Variants in CACNG2 observed in about 807,000 individuals in gnomAD.
The protein encoded by CACNG2 is calcium voltage-gated channel auxiliary subunit gamma 2.
CACNG2 carries 3 observed loss-of-function variants against 25.9 expected under a neutral mutation model. That is an observed-to-expected ratio of 0.12 (90% confidence interval 0.05 to 0.30). CACNG2 has a LOEUF of 0.30. CACNG2 is among the 10% of genes least tolerant of loss of function. CACNG2 has a pLI of 1.00. For missense variants in CACNG2, 341 were observed against 432.5 expected, an observed-to-expected ratio of 0.79 and a Z score of 1.88; for synonymous variants, 167 against 173.3, an observed-to-expected ratio of 0.96 and a Z score of 0.29.
intron 1 of CACNG2, among the ~76,000 whole-genome samples, chr22:36,661,052 G>A (rs1208357895): frequency 6.6e-6 from 1 of 152,232 alleles, no homozygotes; most frequent in Non-Finnish European, 1.5e-5. Flanking sequence ...TGCTTTCTGA[G>A]TGCAGGCAGG....
chr22:36,585,739 A>T (rs1278981962), intron 2 of CACNG2, among the ~76,000 whole-genome samples: 3 of 152,230 alleles, frequency 2.0e-5, no homozygotes, highest in Admixed American at 1.3e-4. Flanking sequence ...GTCAACTCAA[A>T]TCAGACCTTC....
chr22:36,586,868 A>G (rs1935513034), intron 2 of CACNG2, among the ~76,000 whole-genome samples: 1 of 152,116 alleles, frequency 6.6e-6, no homozygotes, highest in African/African-American at 2.4e-5. Context: ...TCTCTTGATA[A>G]TATGTCTCAG....
At chr22:36,693,029 C>T (rs1227979241) in intron 1 of CACNG2, among the ~76,000 whole-genome samples, 1 of 152,064 alleles carries the variant, frequency 6.6e-6, no homozygotes, top group Non-Finnish European at 1.5e-5. Flanking sequence ...GCCTGTAATC[C>T]CAGCTACTCG....
intron 1 of CACNG2, among the ~76,000 whole-genome samples, chr22:36,590,692 C>A (rs905851751): frequency 6.6e-6 from 1 of 152,160 alleles, no homozygotes; most frequent in Non-Finnish European, 1.5e-5. Context: ...TGACAGTGAT[C>A]CTTTGTACAT....
intron 1 of CACNG2, among the ~76,000 whole-genome samples, chr22:36,676,147 C>A (rs1937017397): frequency 6.6e-6 from 1 of 152,210 alleles, no homozygotes; most frequent in Non-Finnish European, 1.5e-5. Flanking sequence ...GCCAGCCTCC[C>A]AAATATCTCT....
intron 1 of CACNG2, among the ~76,000 whole-genome samples, chr22:36,647,929 G>A (rs1936552922): frequency 6.6e-6 from 1 of 152,230 alleles, no homozygotes; most frequent in Non-Finnish European, 1.5e-5. Context: ...CATGAAAGCA[G>A]GAAATGGATT....
intron 1 of CACNG2, among the ~76,000 whole-genome samples, chr22:36,653,891 T>C (rs1236488519): frequency 3.3e-5 from 5 of 149,412 alleles, no homozygotes; most frequent in Non-Finnish European, 5.9e-5. Flanking sequence ...AGAGGAAGAA[T>C]CCTCTTGAAA....
intron 1 of CACNG2, among the ~76,000 whole-genome samples, chr22:36,655,723 CTTTT>C (rs1569042508): frequency 4.2e-5 from 6 of 143,056 alleles, no homozygotes; most frequent in Non-Finnish European, 9.0e-5. Flanking sequence ...CTCTTTCTTT[CTTTT>C]CTTTCTTTCT....
chr22:36,671,988 A>G (rs1166251453), intron 1 of CACNG2, among the ~76,000 whole-genome samples: 1 of 152,170 alleles, frequency 6.6e-6, no homozygotes, highest in African/African-American at 2.4e-5. Context: ...AACTTTCAGC[A>G]AAAGGCAATA....
Position 36,621,522 on chromosome 22 carries a change from A to G in CACNG2, c.212-33974T>C, listed in dbSNP as rs1344200673. Among the ~76,000 whole-genome samples, 3 of 151,234 alleles carry G rather than the reference A, an allele frequency of 2.0e-5. No individual in the cohort carries two copies. In the East Asian group the frequency reaches 5.8e-4, roughly 29 times the overall value. On this transcript the variant is annotated intron_variant, in intron 1 of 3. Coordinates refer to ENST00000300105, the MANE Select transcript of CACNG2 (RefSeq NM_006078.5). ...GAGGCAGAGATTGCACTGAGCTGAG[A>G]TGGTGCCACCGTACTCCAGCCTGGG...
At position 36,561,101 on chromosome 22, in the gene CACNG2, G is replaced by A. The variant is rs1208230737; in HGVS notation, c.*3250C>T. ...TGGCTCCTTCCCTCCGGACCCCCTA[G>A]CCCCTTCTCAGCCATGGCGATGTCA... On this transcript the variant is annotated 3_prime_UTR_variant, in exon 4 of 4. Coordinates refer to ENST00000300105, the MANE Select transcript of CACNG2 (RefSeq NM_006078.5). The A allele has an allele frequency of 6.6e-6, 1 of 152,184 alleles. No individual in the cohort carries two copies. Among genetic ancestry groups the A allele is most frequent in the East Asian group, 1.9e-4 (1 of 5,180 alleles). 9.4% of individuals were successfully genotyped at this position (152,184 alleles called of 1,614,324 possible). A position where few individuals can be genotyped will look rare whatever the true frequency, so the allele number is the denominator to read the frequency against.
chr22:36,644,990 A>G (rs1414805420), intron 1 of CACNG2, among the ~76,000 whole-genome samples: 1 of 152,198 alleles, frequency 6.6e-6, no homozygotes, highest in Non-Finnish European at 1.5e-5. Context: ...TCATCCTTCT[A>G]TCAAATTCAC....
intron 1 of CACNG2, among the ~76,000 whole-genome samples, chr22:36,607,997 G>C (rs927153303): frequency 6.6e-6 from 1 of 152,166 alleles, no homozygotes; most frequent in Non-Finnish European, 1.5e-5. Flanking sequence ...AAGGAGTCCC[G>C]TAAGCATCTC....
At chr22:36,648,794 C>A (rs943204526) in intron 1 of CACNG2, among the ~76,000 whole-genome samples, 5 of 152,110 alleles carry the variant, frequency 3.3e-5, no homozygotes, top group Admixed American at 3.3e-4. Context: ...CTCTCCAATA[C>A]CGATCATATC....
chr22:36,617,113 C>T (rs2145946034), intron 1 of CACNG2, among the ~76,000 whole-genome samples: 1 of 152,208 alleles, frequency 6.6e-6, no homozygotes, highest in South Asian at 2.1e-4. Context: ...GAAATTGAGA[C>T]CTTGAACATG....
chr22:36,656,202 C>T (rs934794388), intron 1 of CACNG2, among the ~76,000 whole-genome samples: 2 of 152,092 alleles, frequency 1.3e-5, no homozygotes, highest in African/African-American at 4.8e-5. Flanking sequence ...AATAGACTCA[C>T]CTTATGATTT....
At chr22:36,648,788 C>G (rs556584840) in intron 1 of CACNG2, among the ~76,000 whole-genome samples, 1 of 152,142 alleles carries the variant, frequency 6.6e-6, no homozygotes, top group Non-Finnish European at 1.5e-5. Context: ...TCTTCTCTCT[C>G]CAATACCGAT....
chr22:36,587,801 T>A (rs1569021607), intron 1 of CACNG2, among the ~76,000 whole-genome samples: 1 of 152,248 alleles, frequency 6.6e-6, no homozygotes, highest in Non-Finnish European at 1.5e-5. Flanking sequence ...CTGAAGCTTC[T>A]GAGGATTAGC....
intron 1 of CACNG2, among the ~76,000 whole-genome samples, chr22:36,660,439 G>A (rs1601441747): frequency 6.6e-6 from 1 of 152,228 alleles, no homozygotes; most frequent in East Asian, 1.9e-4. Flanking sequence ...TGCTGCTTTC[G>A]ATTGCTGGTT....
Sources: allele counts gnomAD v4.1 joint callset (sites outside exome capture counted in the v4.1 genomes callset), GRCh38; gene constraint gnomAD v4.1.1; transcripts MANE v1.5; gene names NCBI Gene and HGNC (gene_info 2026-07-23, HGNC 2026-07-21).